Variants in KIAA2012 observed in about 807,000 individuals in gnomAD.
KIAA2012 encodes KIAA2012, also known as uncharacterized protein KIAA2012.
KIAA2012 carries 125 observed loss-of-function variants against 150.6 expected under a neutral mutation model. That is an observed-to-expected ratio of 0.83 (90% CI 0.72 to 0.96). The LOEUF (loss-of-function observed/expected upper bound fraction) is 0.96. KIAA2012 is among the 40% of genes least tolerant of loss of function. The pLI is 0.00. For synonymous variants in KIAA2012, 462 were observed against 504.7 expected (o/e 0.92, Z 1.13); for missense variants, 1,219 against 1,354.9 (o/e 0.90, Z 1.57).
intron 11 of KIAA2012, chr2:202,116,566 A>C (rs2105931897): frequency 7.0e-6 from 1 of 142,626 alleles, no homozygotes; most frequent in East Asian, 2.0e-4. Flanking sequence ...TAGGTCTCTC[A>C]AAACACTGGG....
chr2:202,157,363 A>G (rs1171874694), intron 14 of KIAA2012, among the ~76,000 whole-genome samples: 6 of 151,996 alleles, frequency 3.9e-5, no homozygotes, highest in Non-Finnish European at 5.9e-5. Context: ...GTGGAAACCA[A>G]CTCATCCTAT....
intron 9 of KIAA2012, among the ~76,000 whole-genome samples, chr2:202,107,233 C>CA (rs11315273): frequency 2.9e-4 from 38 of 129,454 alleles, no homozygotes; most frequent in Admixed American, 8.0e-4. Context: ...TAACTAATAC[C>CA]AAAAAAAAAA....
intron 15 of KIAA2012, chr2:202,178,690 G>A (rs1422157810): frequency 6.5e-6 from 1 of 153,126 alleles, no homozygotes; most frequent in Non-Finnish European, 1.5e-5. Flanking sequence ...ATCAGCTTCT[G>A]CTCTCTGTTA....
At chr2:202,195,425 G>A (rs147392259) in intron 21 of KIAA2012, among the ~76,000 whole-genome samples, 14,362 of 151,884 alleles carry the variant, frequency 0.095, 914 homozygotes, top group South Asian at 0.24. Context: ...GGAGGCTGAG[G>A]CAGGAGAATC....
intron 17 of KIAA2012, 117 bp downstream of exon 17, chr2:202,187,215 G>A (rs1179709717): frequency 8.5e-7 from 1 of 1,171,050 alleles, no homozygotes; most frequent in Non-Finnish European, 1.2e-6. Context: ...AGGGGATGAG[G>A]GGGGCACTGA....
chr2:202,165,172 C>A, intron 14 of KIAA2012, 112 bp from the exon 15 acceptor site: 1 of 969,496 alleles, frequency 1.0e-6, no homozygotes. Context: ...GGAGAAGAAA[C>A]CACTAAGAAA....
chr2:202,139,048 C>G (rs556753067), intron 13 of KIAA2012, among the ~76,000 whole-genome samples: 1 of 151,920 alleles, frequency 6.6e-6, no homozygotes, highest in South Asian at 2.1e-4. Context: ...ACCAGCCTGG[C>G]CAACGTGGTG....
intron 13 of KIAA2012, among the ~76,000 whole-genome samples, chr2:202,141,487 T>C (rs1691196436): frequency 6.6e-6 from 1 of 152,156 alleles, no homozygotes. Context: ...CAAGCTCCCA[T>C]TTCCTCTTTC....
chr2:202,088,923 C>T (rs189304946), intron 2 of KIAA2012, among the ~76,000 whole-genome samples: 38 of 152,290 alleles, frequency 2.5e-4, no homozygotes, highest in Admixed American at 1.3e-3. Context: ...CCAGAGCTCA[C>T]GCAAGATCAC....
intron 14 of KIAA2012, among the ~76,000 whole-genome samples, chr2:202,161,006 G>A (rs564044079): frequency 6.6e-6 from 1 of 152,276 alleles, no homozygotes; most frequent in East Asian, 1.9e-4. Context: ...ATGCCCAGCA[G>A]GGGGGCTGTG....
At chr2:202,124,610 G>A (rs775021337) in intron 11 of KIAA2012, among the ~76,000 whole-genome samples, 1 of 152,138 alleles carries the variant, frequency 6.6e-6, no homozygotes, top group African/African-American at 2.4e-5. Flanking sequence ...AACGTTAACT[G>A]TTTCATGATC....
At chr2:202,113,170 G>A (rs1362433252) in intron 10 of KIAA2012, among the ~76,000 whole-genome samples, 166 bp from the exon 11 acceptor site, 1 of 152,136 alleles carries the variant, frequency 6.6e-6, no homozygotes, top group Non-Finnish European at 1.5e-5. Context: ...GCCCTGCTCT[G>A]CTGAGTCCCA....
intron 4 of KIAA2012, 118 bp downstream of exon 4, chr2:202,093,303 A>G (rs922240418): frequency 3.7e-5 from 38 of 1,026,158 alleles, no homozygotes; most frequent in East Asian, 2.1e-4. Flanking sequence ...ATAGTCCTCA[A>G]TCTGTAAAAT....
intron 12 of KIAA2012, among the ~76,000 whole-genome samples, chr2:202,127,117 A>G (rs1690811964): frequency 1.3e-5 from 2 of 151,814 alleles, no homozygotes; most frequent in South Asian, 2.1e-4. Context: ...AAGCTGGAAA[A>G]AAAAAAGTAA....
At chr2:202,117,267 T>C (rs889770710) in intron 11 of KIAA2012, among the ~76,000 whole-genome samples, 11 of 152,250 alleles carry the variant, frequency 7.2e-5, no homozygotes, top group African/African-American at 2.7e-4. Context: ...GGTCTGTGAT[T>C]TGGTTGACAG....
At chr2:202,114,833 C>T (rs972122513) in intron 11 of KIAA2012, 1 of 165,150 alleles carries the variant, frequency 6.1e-6, no homozygotes, top group African/African-American at 2.4e-5. Context: ...CCCAGTCCCA[C>T]AGATGGTATA....
chr2:202,113,334 A>G lies in KIAA2012; in HGVS notation c.1652-2A>G. ...CTGCCTATGCTTGTGCTTATTTTCA[A>G]GAAGATTCCAGCGACCCTACACTGG... is the stretch of plus-strand genomic sequence containing the variant. On this transcript the variant is annotated splice_acceptor_variant, in intron 10 of 23. Transcript: ENST00000498697. LOFTEE classifies it high-confidence loss of function. 3.9e-6 allele frequency: 6 copies of G among 1,549,682 alleles called. No homozygotes were observed. In the East Asian group the frequency reaches 1.2e-4, roughly 32 times the overall value.
Position 202,077,028 on chromosome 2 carries a change from A to G in KIAA2012, c.369+1853A>G, listed in dbSNP as rs191939741. On this transcript the variant is annotated intron_variant, in intron 2 of 23. Transcript: ENST00000498697. ...CCCTTCCCACTCTGCCTCAAGTGAA[A>G]AGAAGCATCTGCATTACCTCTGTGA... 1.6e-4 allele frequency: 75 copies of G among 457,230 alleles called. 1 individual carries two copies. In the East Asian group the frequency reaches 4.9e-3, roughly 30 times the overall value. 28.3% of individuals were successfully genotyped at this position (457,230 alleles called of 1,614,324 possible). A position where few individuals can be genotyped will look rare whatever the true frequency, so the allele number is the denominator to read the frequency against.
chr2:202,111,371 A>ATGG (rs1690347171), intron 10 of KIAA2012, among the ~76,000 whole-genome samples: 5 of 150,834 alleles, frequency 3.3e-5, no homozygotes. Flanking sequence ...TTAGCCAGGC[A>ATGG]TGGTGGTGTA....
Sources: gnomAD v4.1 joint callset for allele counts (sites outside exome capture counted in the v4.1 genomes callset) on GRCh38, gnomAD v4.1.1 for gene constraint, MANE v1.5 for transcripts, NCBI Gene and HGNC (gene_info 2026-07-23, HGNC 2026-07-21) for gene names.